IL1RAPL2: variants seen among roughly 807,000 people sequenced by gnomAD.
IL1RAPL2 encodes interleukin 1 receptor accessory protein like 2.
A neutral mutation model predicts 44.1 loss-of-function variants in IL1RAPL2; 3 were observed. The ratio of observed to expected loss-of-function variants is 0.07; its 90% CI spans 0.03 to 0.18. The LOEUF (loss-of-function observed/expected upper bound fraction) is 0.18. Among genes scored for constraint, IL1RAPL2 ranks in the 10% least tolerant of loss-of-function variants. The probability of loss-of-function intolerance (pLI) is 1.00; values close to 1 mark genes in which losing one functional copy is unlikely to be tolerated. For missense variants in IL1RAPL2, 391 were observed against 496.4 expected, an observed-to-expected ratio of 0.79 and a Z score of 2.02; for synonymous variants, 181 against 178.8, an observed-to-expected ratio of 1.01 and a Z score of -0.10.
chrX:104,986,139 C>T (rs1324448627), intron 2 of IL1RAPL2, among the ~76,000 whole-genome samples: 1 of 111,906 alleles, frequency 8.9e-6, no homozygotes, highest in East Asian at 2.8e-4. Context: ...CTGAATGTCT[C>T]TGTAGCACTG....
chrX:105,308,757 A>T (rs1427488114), intron 5 of IL1RAPL2, among the ~76,000 whole-genome samples: 1 of 112,291 alleles, frequency 8.9e-6, no homozygotes, highest in Non-Finnish European at 1.9e-5. Flanking sequence ...ACACTCTTGC[A>T]CAAGTCTTTT....
chrX:104,915,017 G>A (rs763366436), intron 2 of IL1RAPL2, among the ~76,000 whole-genome samples: 42 of 111,491 alleles, frequency 3.8e-4, no homozygotes, highest in Middle Eastern at 4.6e-3. Flanking sequence ...ATAGTGCCGC[G>A]ATAAACATAC....
intron 6 of IL1RAPL2, among the ~76,000 whole-genome samples, chrX:105,555,076 G>GTTTTT (rs762609819): frequency 1.2e-5 from 1 of 83,037 alleles, no homozygotes. Flanking sequence ...TCTGGTAGTT[G>GTTTTT]TTTTTTTTTT....
At chrX:105,502,719 CT>C (rs112462525) in intron 6 of IL1RAPL2, among the ~76,000 whole-genome samples, 9,182 of 103,171 alleles carry the variant, frequency 0.089, 1,023 homozygotes, top group African/African-American at 0.3. Flanking sequence ...AAAATACATT[CT>C]TTTTTTTTTT....
chrX:104,770,983 C>T (rs1932633243), intron 2 of IL1RAPL2, among the ~76,000 whole-genome samples: 1 of 111,588 alleles, frequency 9.0e-6, no homozygotes. Context: ...CCAGATAACT[C>T]ATTCAAAGAT....
intron 2 of IL1RAPL2, among the ~76,000 whole-genome samples, chrX:105,111,686 C>T (rs1266855552): frequency 3.6e-5 from 4 of 111,636 alleles, no homozygotes; most frequent in African/African-American, 1.3e-4. Flanking sequence ...ATGGGCTATT[C>T]CAAGGCATTT....
chrX:105,604,463 C>T (rs1418391736), intron 6 of IL1RAPL2, among the ~76,000 whole-genome samples: 1 of 109,668 alleles, frequency 9.1e-6, no homozygotes, highest in Non-Finnish European at 1.9e-5. Context: ...AAATAGGAAA[C>T]CTGAACAGAA....
chrX:105,628,127 C>A, intron 6 of IL1RAPL2, among the ~76,000 whole-genome samples: 1 of 111,590 alleles, frequency 9.0e-6, no homozygotes, highest in East Asian at 2.8e-4. Context: ...CCTGGGGGAG[C>A]TGCTTTTATG....
At chrX:104,657,038 C>T (rs1930279598) in intron 1 of IL1RAPL2, among the ~76,000 whole-genome samples, 1 of 110,642 alleles carries the variant, frequency 9.0e-6, no homozygotes. Flanking sequence ...GGTAGATCTT[C>T]CTCCATCCCT....
At chrX:104,848,409 G>GTATATATATATA (rs35503754) in intron 2 of IL1RAPL2, among the ~76,000 whole-genome samples, 5 of 64,858 alleles carry the variant, frequency 7.7e-5, no homozygotes, top group African/African-American at 1.3e-4. Flanking sequence ...ATTTTTATCT[G>GTATATATATATA]TATATATATA....
intron 2 of IL1RAPL2, among the ~76,000 whole-genome samples, chrX:104,809,165 G>A (rs1390144170): frequency 5.4e-5 from 6 of 111,728 alleles, no homozygotes; most frequent in African/African-American, 1.6e-4. Context: ...TTATATTACT[G>A]TTCACAAACA....
chrX:105,215,304 A>G (rs1313942517), intron 3 of IL1RAPL2, among the ~76,000 whole-genome samples: 8 of 112,216 alleles, frequency 7.1e-5, no homozygotes, highest in Non-Finnish European at 1.1e-4. Flanking sequence ...CAGAAATGCA[A>G]ACTACCAACA....
intron 10 of IL1RAPL2, among the ~76,000 whole-genome samples, chrX:105,764,397 G>T (rs897352498): frequency 8.9e-6 from 1 of 111,975 alleles, no homozygotes; most frequent in Non-Finnish European, 1.9e-5. Context: ...AAAGAAGCTA[G>T]CAAAGCCAAA....
At chrX:105,524,505 CA>C (rs1167626122) in intron 6 of IL1RAPL2, among the ~76,000 whole-genome samples, 1 of 109,168 alleles carries the variant, frequency 9.2e-6, no homozygotes, top group Non-Finnish European at 1.9e-5. Flanking sequence ...CTACTTAAAA[CA>C]CATCATTTTC....
chrX:104,685,179 T>G (rs773387797), intron 2 of IL1RAPL2, among the ~76,000 whole-genome samples: 1 of 112,145 alleles, frequency 8.9e-6, no homozygotes, highest in Non-Finnish European at 1.9e-5. Flanking sequence ...GATTATTACC[T>G]TTTGATTCTC....
chrX:104,752,529 T>A (rs1254616098), intron 2 of IL1RAPL2, among the ~76,000 whole-genome samples: 1 of 110,665 alleles, frequency 9.0e-6, no homozygotes, highest in African/African-American at 3.3e-5. Context: ...TCTCAGTATG[T>A]AATCACTCAT....
intron 5 of IL1RAPL2, among the ~76,000 whole-genome samples, chrX:105,364,998 T>G (rs192442149): frequency 8.9e-6 from 1 of 111,812 alleles, no homozygotes; most frequent in African/African-American, 3.2e-5. Flanking sequence ...AAGAAAAGAT[T>G]TTAACCTTTC....
intron 2 of IL1RAPL2, among the ~76,000 whole-genome samples, chrX:105,106,523 A>T (rs2147562798): frequency 9.0e-6 from 1 of 111,527 alleles, no homozygotes; most frequent in South Asian, 3.8e-4. Context: ...TATGAAATAT[A>T]GAATTGGAGT....
chrX:105,062,136 A>T (rs1319963345), intron 2 of IL1RAPL2, among the ~76,000 whole-genome samples: 1 of 110,353 alleles, frequency 9.1e-6, no homozygotes, highest in Non-Finnish European at 1.9e-5. Context: ...CCTTTTAGTG[A>T]AGGTGGTTTT....
Sources: gnomAD v4.1 joint callset for allele counts (sites outside exome capture counted in the v4.1 genomes callset) on GRCh38, gnomAD v4.1.1 for gene constraint, MANE v1.5 for transcripts, NCBI Gene and HGNC (gene_info 2026-07-23, HGNC 2026-07-21) for gene names.